Variants in SOBP observed in about 807,000 individuals in gnomAD.
SOBP encodes sine oculis binding protein homolog, also known as sine oculis-binding protein homolog.
Under a neutral mutation model 53.6 loss-of-function variants are expected in SOBP, and 4 were observed. That is an observed-to-expected ratio of 0.07 (90% CI 0.04 to 0.17). The LOEUF is 0.17. Among genes scored for constraint, SOBP ranks in the 10% least tolerant of loss-of-function variants. The pLI is 1.00. For missense variants in SOBP, 1,088 were observed against 1,204.7 expected (o/e 0.90, Z 1.43); for synonymous variants, 584 against 522.6 (o/e 1.12, Z -1.60).
intron 4 of SOBP, among the ~76,000 whole-genome samples, chr6:107,535,814 G>A (rs1223390710): frequency 6.6e-6 from 1 of 151,948 alleles, no homozygotes; most frequent in East Asian, 1.9e-4. Context: ...TAGGGCTTGG[G>A]TTTCCTAATG....
At chr6:107,522,525 G>A (rs1341037762) in intron 3 of SOBP, among the ~76,000 whole-genome samples, 2 of 138,796 alleles carry the variant, frequency 1.4e-5, no homozygotes, top group Non-Finnish European at 3.1e-5. Context: ...ATGATTGGGT[G>A]TAGTATAAAA....
At chr6:107,503,627 A>C in intron 1 of SOBP, 30 bp from the exon 2 acceptor site, 1 of 1,612,878 alleles carries the variant, frequency 6.2e-7, no homozygotes, top group Non-Finnish European at 8.5e-7. Flanking sequence ...TGATTATAGA[A>C]ATAAGTAGTA....
At chr6:107,618,361 G>C (rs1258537357) in intron 5 of SOBP, among the ~76,000 whole-genome samples, 1 of 152,120 alleles carries the variant, frequency 6.6e-6, no homozygotes. Context: ...CTTAGTCTAG[G>C]GGTAGCTGAT....
At chr6:107,512,221 C>A (rs2114958404) in intron 3 of SOBP, among the ~76,000 whole-genome samples, 1 of 152,216 alleles carries the variant, frequency 6.6e-6, no homozygotes, top group East Asian at 1.9e-4. Context: ...TCTGAAGTGG[C>A]AAAAAATATG....
intron 5 of SOBP, among the ~76,000 whole-genome samples, chr6:107,607,662 T>A (rs1268226556): frequency 1.3e-5 from 2 of 152,192 alleles, no homozygotes; most frequent in Non-Finnish European, 2.9e-5. Flanking sequence ...CAGCAGCCTT[T>A]TGTGTGCATG....
chr6:107,628,046 G>A (rs1037012233), intron 5 of SOBP, among the ~76,000 whole-genome samples: 2 of 152,196 alleles, frequency 1.3e-5, no homozygotes, highest in African/African-American at 4.8e-5. Flanking sequence ...GCCATGTAAT[G>A]AGTCAAGCAG....
chr6:107,514,190 T>G (rs1783251692), intron 3 of SOBP: 1 of 152,284 alleles, frequency 6.6e-6, no homozygotes, highest in African/African-American at 2.4e-5. Flanking sequence ...TACCAAGAAC[T>G]TAATAGTACT....
At chr6:107,508,882 G>T (rs189371567) in intron 3 of SOBP, among the ~76,000 whole-genome samples, 11 of 152,324 alleles carry the variant, frequency 7.2e-5, no homozygotes, top group African/African-American at 2.6e-4. Context: ...GTGGCTTAGG[G>T]GAGGGGAGAT....
At chr6:107,531,233 C>T (rs1056734004) in intron 3 of SOBP, among the ~76,000 whole-genome samples, 1 of 152,166 alleles carries the variant, frequency 6.6e-6, no homozygotes, top group African/African-American at 2.4e-5. Flanking sequence ...TAAAATGGCT[C>T]CTTGGGAAGT....
chr6:107,494,871 G>A (rs1782661453), intron 1 of SOBP, among the ~76,000 whole-genome samples: 1 of 152,028 alleles, frequency 6.6e-6, no homozygotes, highest in East Asian at 1.9e-4. Context: ...GTCTCAATTT[G>A]GCATTAAAAA....
At chr6:107,589,590 T>C (rs979528037) in intron 5 of SOBP, among the ~76,000 whole-genome samples, 1 of 152,244 alleles carries the variant, frequency 6.6e-6, no homozygotes, top group Non-Finnish European at 1.5e-5. Flanking sequence ...TATTGATTTT[T>C]CCATTTAAAT....
intron 5 of SOBP, among the ~76,000 whole-genome samples, chr6:107,591,288 C>T (rs1785737859): frequency 6.6e-6 from 1 of 152,122 alleles, no homozygotes; most frequent in Non-Finnish European, 1.5e-5. Context: ...ATTTAAAGAG[C>T]CAGGCACATA....
At chr6:107,616,632 C>A (rs548702300) in intron 5 of SOBP, among the ~76,000 whole-genome samples, 2 of 152,152 alleles carry the variant, frequency 1.3e-5, no homozygotes, top group Admixed American at 1.3e-4. Context: ...CTGCACTGCT[C>A]GCTTTGTCTT....
intron 1 of SOBP, 84 bp downstream of exon 1, chr6:107,490,796 AC>A (rs1782560348): frequency 1.7e-5 from 18 of 1,050,742 alleles, no homozygotes; most frequent in Non-Finnish European, 2.4e-5. Flanking sequence ...TCTGGGGGGT[AC>A]CGGGGCGCGC....
At chr6:107,651,347 A>G (rs1292841490) in intron 6 of SOBP, among the ~76,000 whole-genome samples, 2 of 152,204 alleles carry the variant, frequency 1.3e-5, no homozygotes, top group Non-Finnish European at 2.9e-5. Flanking sequence ...ATATAGAGAA[A>G]ATTTGAGTGG....
chr6:107,654,104 T>G (rs1771917219), intron 6 of SOBP, among the ~76,000 whole-genome samples: 1 of 152,206 alleles, frequency 6.6e-6, no homozygotes, highest in Non-Finnish European at 1.5e-5. Context: ...CAGTTACGAT[T>G]CCATGAAGAG....
At chr6:107,629,229 AT>A (rs1770598392) in intron 5 of SOBP, among the ~76,000 whole-genome samples, 1 of 140,102 alleles carries the variant, frequency 7.1e-6, no homozygotes, top group South Asian at 2.3e-4. Flanking sequence ...AGGTGCTAAT[AT>A]CTTTTTTTTT....
intron 4 of SOBP, among the ~76,000 whole-genome samples, chr6:107,565,497 C>T (rs776751987): frequency 4.8e-4 from 44 of 90,884 alleles, no homozygotes; most frequent in African/African-American, 1.8e-3. Context: ...GGGTGTGTGG[C>T]GGCTGGGGAG....
intron 4 of SOBP, among the ~76,000 whole-genome samples, chr6:107,556,920 T>C (rs1784627699): frequency 6.6e-6 from 1 of 152,180 alleles, no homozygotes; most frequent in Admixed American, 6.5e-5. Flanking sequence ...ATCTAACATA[T>C]TATATAATGA....
Sources: gnomAD v4.1 joint callset for allele counts (sites outside exome capture counted in the v4.1 genomes callset) on GRCh38, gnomAD v4.1.1 for gene constraint, MANE v1.5 for transcripts, NCBI Gene and HGNC (gene_info 2026-07-23, HGNC 2026-07-21) for gene names.